Variants in ANKIB1 observed in about 807,000 individuals in gnomAD.
ANKIB1 encodes the protein ankyrin repeat and IBR domain-containing protein 1.
Under a neutral mutation model 122.1 loss-of-function variants are expected in ANKIB1, and 43 were observed. That is an observed-to-expected ratio of 0.35 (90% CI 0.28 to 0.45). The LOEUF is 0.45. Among genes scored for constraint, ANKIB1 ranks in the 20% least tolerant of loss-of-function variants. The probability of loss-of-function intolerance (pLI) is 1.00; values close to 1 mark genes in which losing one functional copy is unlikely to be tolerated. For synonymous variants in ANKIB1, 390 were observed against 442.0 expected (o/e 0.88, Z 1.48); for missense variants, 992 against 1,329.5 (o/e 0.75, Z 3.95).
rs1031865544 is a variant in ANKIB1, at chr7:92,370,540, A to G, written c.1487-937A>G. On this transcript the variant is annotated intron_variant, in intron 10 of 19. Transcript: ENST00000265742. The stretch of plus-strand genomic sequence containing the variant: ...AAAAAAAAAAAAAAAAAAAAAAAAA[A>G]GTTGGTTAATGGGGACAAACATAGA... Among the ~76,000 whole-genome samples the G allele has an allele frequency of 2.8e-4, 41 of 146,386 alleles. 1 individual carries two copies. Among genetic ancestry groups the G allele is most frequent in the African/African-American group, 9.0e-4 (35 of 39,026 alleles).
rs1157795545 is a variant in ANKIB1, at chr7:92,400,654, A to G, written c.*1705A>G. 6.6e-6 allele frequency: 1 copy of G among 152,020 alleles called. No individual in the cohort carries two copies. Among genetic ancestry groups the G allele is most frequent in the African/African-American group, 2.4e-5 (1 of 41,368 alleles). The allele number at this position is 152,020 out of a possible 1,614,324, so 9.4% of individuals were successfully genotyped here. The stretch of plus-strand genomic sequence containing the variant: ...AAAATTCATATTGCTAAGACACTGT[A>G]TTAGAATATTTAATATTCCCCAGAT... On this transcript the variant is annotated 3_prime_UTR_variant, in exon 20 of 20. Coordinates refer to ENST00000265742, the MANE Select transcript of ANKIB1 (RefSeq NM_019004.2).
chr7:92,283,321 G>A (rs956541531), intron 1 of ANKIB1, among the ~76,000 whole-genome samples: 4 of 152,008 alleles, frequency 2.6e-5, no homozygotes, highest in Admixed American at 2.6e-4. Context: ...TCTCAGCTCA[G>A]GTAATTTTCG....
intron 17 of ANKIB1, among the ~76,000 whole-genome samples, chr7:92,394,635 A>G (rs891246687): frequency 7.9e-5 from 12 of 152,278 alleles, no homozygotes; most frequent in Middle Eastern, 3.4e-3. Flanking sequence ...TTGAGATAAA[A>G]TTTTCACACC....
chr7:92,341,555 G>T (rs183012294), intron 5 of ANKIB1, among the ~76,000 whole-genome samples: 63 of 151,812 alleles, frequency 4.1e-4, no homozygotes, highest in Non-Finnish European at 9.0e-4. Flanking sequence ...TACACAAATT[G>T]TTTCACACAG....
intron 1 of ANKIB1, among the ~76,000 whole-genome samples, chr7:92,256,795 T>G (rs1209314447): frequency 6.6e-6 from 1 of 152,226 alleles, no homozygotes; most frequent in East Asian, 1.9e-4. Context: ...ATTTTCAACT[T>G]GGAATACCAA....
At chr7:92,312,822 G>T (rs1562778997) in intron 3 of ANKIB1, among the ~76,000 whole-genome samples, 1 of 152,052 alleles carries the variant, frequency 6.6e-6, no homozygotes, top group Non-Finnish European at 1.5e-5. Flanking sequence ...CAAAAATAAA[G>T]CTCCATTAAA....
intron 1 of ANKIB1, among the ~76,000 whole-genome samples, chr7:92,262,957 A>G (rs1489812915): frequency 6.6e-6 from 1 of 152,158 alleles, no homozygotes; most frequent in Non-Finnish European, 1.5e-5. Flanking sequence ...CTACCTTTAC[A>G]TATTGGAAAA....
At chr7:92,332,202 A>G (rs1041877411) in intron 5 of ANKIB1, among the ~76,000 whole-genome samples, 7 of 152,230 alleles carry the variant, frequency 4.6e-5, no homozygotes, top group Non-Finnish European at 1.0e-4. Flanking sequence ...GGTGGTATCA[A>G]TGACATTTGA....
chr7:92,299,413 C>A (rs1802417563), intron 2 of ANKIB1, among the ~76,000 whole-genome samples: 1 of 152,154 alleles, frequency 6.6e-6, no homozygotes, highest in Admixed American at 6.5e-5. Flanking sequence ...ACAAAAAGGT[C>A]ATTGATATCA....
chr7:92,295,198 GGTATTACCGTAA>G (rs1373266823), intron 2 of ANKIB1, 32 bp downstream of exon 2: 1 of 1,408,536 alleles, frequency 7.1e-7, no homozygotes, highest in Non-Finnish European at 9.4e-7. Context: ...TTGGTATTAG[GGTATTACCGTAA>G]ACTAATTGGT....
intron 7 of ANKIB1, among the ~76,000 whole-genome samples, chr7:92,347,336 T>C (rs1803562366): frequency 6.6e-6 from 1 of 152,172 alleles, no homozygotes; most frequent in South Asian, 2.1e-4. Flanking sequence ...GCTGTCATTA[T>C]TGTTAGTGTA....
chr7:92,338,773 G>A (rs1401215728), intron 5 of ANKIB1, among the ~76,000 whole-genome samples: 4 of 149,330 alleles, frequency 2.7e-5, no homozygotes, highest in Non-Finnish European at 6.0e-5. Flanking sequence ...TTAGCTGGGC[G>A]TGGTGGTGGG....
chr7:92,366,189 A>G (rs867522072), intron 10 of ANKIB1, among the ~76,000 whole-genome samples: 1 of 152,140 alleles, frequency 6.6e-6, no homozygotes, highest in East Asian at 1.9e-4. Context: ...ATGCCCAGCA[A>G]TATTTGAAAT....
At chr7:92,330,455 G>T (rs922324695) in intron 5 of ANKIB1, among the ~76,000 whole-genome samples, 2 of 151,580 alleles carry the variant, frequency 1.3e-5, no homozygotes, top group Non-Finnish European at 2.9e-5. Flanking sequence ...ATTTTTTATT[G>T]CCATGTTTAT....
chr7:92,344,199 T>G (rs1188085317), intron 6 of ANKIB1, among the ~76,000 whole-genome samples: 6 of 61,742 alleles, frequency 9.7e-5, no homozygotes, highest in Non-Finnish European at 1.2e-4. Context: ...TTTGGTTTTT[T>G]TTTTTTTTTT....
chr7:92,336,994 T>G (rs559575365), intron 5 of ANKIB1, among the ~76,000 whole-genome samples: 2 of 152,320 alleles, frequency 1.3e-5, no homozygotes, highest in Admixed American at 1.3e-4. Flanking sequence ...TTCTTAAGAT[T>G]ACCAGGAGGG....
At chr7:92,355,713 G>A (rs901950455) in intron 9 of ANKIB1, among the ~76,000 whole-genome samples, 8 of 151,918 alleles carry the variant, frequency 5.3e-5, no homozygotes, top group African/African-American at 9.7e-5. Context: ...GCCAGGCGTG[G>A]TGGCATGCTC....
intron 1 of ANKIB1, among the ~76,000 whole-genome samples, chr7:92,263,761 T>C (rs1004211821): frequency 1.3e-5 from 2 of 152,226 alleles, no homozygotes; most frequent in Admixed American, 6.5e-5. Flanking sequence ...TGTATAGATA[T>C]AGTTTACTTA....
At chr7:92,342,476 T>G (rs1803459203) in intron 5 of ANKIB1, among the ~76,000 whole-genome samples, 1 of 152,200 alleles carries the variant, frequency 6.6e-6, no homozygotes, top group African/African-American at 2.4e-5. Context: ...TCAAGATCAC[T>G]TAATATAGAA....
Sources: gnomAD v4.1 joint callset for allele counts (sites outside exome capture counted in the v4.1 genomes callset) on GRCh38, gnomAD v4.1.1 for gene constraint, MANE v1.5 for transcripts, NCBI Gene and HGNC (gene_info 2026-07-23, HGNC 2026-07-21) for gene names.